MGLL: variants seen among roughly 807,000 people sequenced by gnomAD.
The protein encoded by MGLL is lysophospholipase homolog.
A neutral mutation model predicts 29.1 loss-of-function variants in MGLL; 7 were observed. That is an observed-to-expected ratio of 0.24 (90% CI 0.14 to 0.45). The LOEUF (loss-of-function observed/expected upper bound fraction) is 0.45. Among genes scored for constraint, MGLL ranks in the 20% least tolerant of loss-of-function variants. The pLI, the probability that MGLL is intolerant of heterozygous loss-of-function variation, is 0.99. For missense variants in MGLL, 356 were observed against 413.6 expected (o/e 0.86, Z 1.21); for synonymous variants, 148 against 168.3 (o/e 0.88, Z 0.93).
chr3:127,752,758 C>T (rs575413358), intron 3 of MGLL, among the ~76,000 whole-genome samples: 3 of 152,240 alleles, frequency 2.0e-5, no homozygotes, highest in East Asian at 3.9e-4. Flanking sequence ...TCTGCAAAAC[C>T]GGCTGAGCTT....
chr3:127,714,991 G>A (rs1051844752), intron 5 of MGLL, among the ~76,000 whole-genome samples: 5 of 152,144 alleles, frequency 3.3e-5, no homozygotes, highest in East Asian at 3.9e-4. Flanking sequence ...AACCAGCAGC[G>A]CCAGGGGCTC....
At chr3:127,783,891 G>A (rs1156788081) in intron 2 of MGLL, 1 of 152,204 alleles carries the variant, frequency 6.6e-6, no homozygotes, top group East Asian at 1.9e-4. Context: ...GTCTTCAAAA[G>A]GGGCTGTGCT....
chr3:127,809,915 C>T (rs561677383), intron 2 of MGLL, among the ~76,000 whole-genome samples: 27 of 152,244 alleles, frequency 1.8e-4, no homozygotes, highest in Admixed American at 1.4e-3. Context: ...CAGAGAAGTA[C>T]GGATGTGAAA....
intron 3 of MGLL, among the ~76,000 whole-genome samples, chr3:127,756,810 A>C (rs2076672987): frequency 6.6e-6 from 1 of 152,228 alleles, no homozygotes; most frequent in South Asian, 2.1e-4. Context: ...AATACATATA[A>C]ATAAGAAAAA....
intron 3 of MGLL, among the ~76,000 whole-genome samples, chr3:127,741,323 G>C (rs935632974): frequency 6.6e-5 from 10 of 152,208 alleles, no homozygotes; most frequent in Middle Eastern, 3.2e-3. Flanking sequence ...TGCTTTCTTG[G>C]GGGGGAAAGT....
chr3:127,812,521 G>A (rs2077681221), intron 2 of MGLL, among the ~76,000 whole-genome samples: 1 of 152,236 alleles, frequency 6.6e-6, no homozygotes, highest in Non-Finnish European at 1.5e-5. Context: ...CTGGTGTGGT[G>A]AGGGCAGCAG....
At chr3:127,815,960 G>A (rs2107757803) in intron 2 of MGLL, among the ~76,000 whole-genome samples, 1 of 152,328 alleles carries the variant, frequency 6.6e-6, no homozygotes, top group Middle Eastern at 3.4e-3. Flanking sequence ...TCGCTGCTTT[G>A]GATCCTGGGA....
At chr3:127,749,435 A>G (rs2076514110) in intron 3 of MGLL, among the ~76,000 whole-genome samples, 1 of 152,232 alleles carries the variant, frequency 6.6e-6, no homozygotes, top group Non-Finnish European at 1.5e-5. Flanking sequence ...ATTAGAATTT[A>G]CAAATTCAGA....
At chr3:127,780,826 A>G (rs2077111648) in intron 3 of MGLL, among the ~76,000 whole-genome samples, 1 of 152,206 alleles carries the variant, frequency 6.6e-6, no homozygotes, top group African/African-American at 2.4e-5. Context: ...TGGAAGCAAC[A>G]TTTCTGGATC....
intron 2 of MGLL, among the ~76,000 whole-genome samples, chr3:127,796,725 C>T (rs1466245882): frequency 6.6e-6 from 1 of 152,284 alleles, no homozygotes; most frequent in Non-Finnish European, 1.5e-5. Flanking sequence ...GAGCACTGAA[C>T]CTCAGCAAAG....
chr3:127,781,574 T>C (rs1183989893), intron 3 of MGLL, among the ~76,000 whole-genome samples: 3 of 152,242 alleles, frequency 2.0e-5, no homozygotes, highest in Non-Finnish European at 4.4e-5. Flanking sequence ...GTTTTTCCAG[T>C]TGAGGTTTCT....
rs143503445 is a variant in MGLL at position 127,773,405 on chromosome 3, G to A, written c.262+8384C>T. Among the ~76,000 whole-genome samples, 798 of 152,360 alleles carry A rather than the reference G, an allele frequency of 5.2e-3. 7 individuals carry two copies. Among genetic ancestry groups the A allele is most frequent in the African/African-American group, 0.017 (725 of 41,578 alleles). ...GACAACAGTCTCACCTCCTGGCAGC[G>A]CTGTGAGGACAAGTCAGATAAGGTA... On this transcript the variant is annotated intron_variant, in intron 3 of 7. Coordinates refer to ENST00000265052, the MANE Select transcript of MGLL (RefSeq NM_007283.7).
At chr3:127,750,004 T>G (rs967902283) in intron 3 of MGLL, among the ~76,000 whole-genome samples, 3 of 151,868 alleles carry the variant, frequency 2.0e-5, no homozygotes, top group Non-Finnish European at 4.4e-5. Flanking sequence ...CAGGGAGAGA[T>G]GGGGCCAGGT....
At chr3:127,811,064 C>A (rs1011890505) in intron 2 of MGLL, among the ~76,000 whole-genome samples, 1 of 149,166 alleles carries the variant, frequency 6.7e-6, no homozygotes, top group Non-Finnish European at 1.5e-5. Flanking sequence ...GGTGATACTT[C>A]TGGATTTAGG....
chr3:127,779,903 A>G (rs750945487), intron 3 of MGLL, among the ~76,000 whole-genome samples: 1 of 152,240 alleles, frequency 6.6e-6, no homozygotes. Flanking sequence ...GCTTCCTTCT[A>G]CTAAGCAAGC....
intron 2 of MGLL, among the ~76,000 whole-genome samples, chr3:127,799,864 C>T (rs1221564889): frequency 7.2e-5 from 11 of 152,216 alleles, no homozygotes; most frequent in Admixed American, 7.2e-4. Flanking sequence ...AGAAGATGGT[C>T]TTTATGGTAG....
At chr3:127,766,558 T>A (rs944117115) in intron 3 of MGLL, among the ~76,000 whole-genome samples, 2 of 152,160 alleles carry the variant, frequency 1.3e-5, no homozygotes, top group Non-Finnish European at 2.9e-5. Flanking sequence ...GGCCTGTTTA[T>A]CAGCCAAGCA....
intron 2 of MGLL, among the ~76,000 whole-genome samples, chr3:127,790,218 C>A (rs556377020): frequency 3.9e-5 from 6 of 152,348 alleles, no homozygotes; most frequent in South Asian, 4.1e-4. Context: ...TGGTAGCACA[C>A]ACCTCCCAGA....
intron 3 of MGLL, among the ~76,000 whole-genome samples, chr3:127,772,275 C>T (rs2076962123): frequency 6.6e-6 from 1 of 152,182 alleles, no homozygotes; most frequent in Non-Finnish European, 1.5e-5. Flanking sequence ...GAGCCCCGCT[C>T]CCCCAACCTC....
Sources: gnomAD v4.1 joint callset for allele counts (sites outside exome capture counted in the v4.1 genomes callset) on GRCh38, gnomAD v4.1.1 for gene constraint, MANE v1.5 for transcripts, NCBI Gene and HGNC (gene_info 2026-07-23, HGNC 2026-07-21) for gene names.